FCHSD2: variants seen among roughly 807,000 people sequenced by gnomAD.
FCHSD2 encodes the protein F-BAR and double SH3 domains protein 2.
Under a neutral mutation model 108.1 loss-of-function variants are expected in FCHSD2, and 38 were observed. The observed-to-expected ratio is 0.35, with a 90% CI of 0.27 to 0.46. The LOEUF (loss-of-function observed/expected upper bound fraction) is 0.46. FCHSD2 is among the 20% of genes least tolerant of loss of function. The pLI, the probability that FCHSD2 is intolerant of heterozygous loss-of-function variation, is 1.00. For synonymous variants in FCHSD2, 279 were observed against 314.7 expected (o/e 0.89, Z 1.20); for missense variants, 751 against 897.8 (o/e 0.84, Z 2.09).
chr11:72,971,001 A>G (rs752982473), intron 8 of FCHSD2, among the ~76,000 whole-genome samples: 3 of 152,274 alleles, frequency 2.0e-5, no homozygotes, highest in Non-Finnish European at 2.9e-5. Flanking sequence ...CTCAGAATTC[A>G]ACCTTCACAT....
chr11:72,952,768 G>A (rs1856643235), intron 8 of FCHSD2, among the ~76,000 whole-genome samples: 1 of 152,216 alleles, frequency 6.6e-6, no homozygotes. Context: ...CTATGTGCCA[G>A]GCACTTACAC....
intron 8 of FCHSD2, among the ~76,000 whole-genome samples, chr11:72,927,615 C>T (rs2135320016): frequency 6.6e-6 from 1 of 152,318 alleles, no homozygotes; most frequent in South Asian, 2.1e-4. Context: ...GTCTCTGATT[C>T]AGCAGGCTGA....
intron 2 of FCHSD2, among the ~76,000 whole-genome samples, chr11:73,135,842 C>CT (rs1861108314): frequency 6.6e-6 from 1 of 152,122 alleles, no homozygotes; most frequent in African/African-American, 2.4e-5. Flanking sequence ...CTCCTCCCCT[C>CT]GAAATTCCAA....
chr11:72,977,737 C>T (rs1187869188), intron 8 of FCHSD2, among the ~76,000 whole-genome samples: 1 of 152,224 alleles, frequency 6.6e-6, no homozygotes, highest in African/African-American at 2.4e-5. Flanking sequence ...GGACTGTAAA[C>T]TAGTTCAACC....
intron 8 of FCHSD2, among the ~76,000 whole-genome samples, chr11:72,966,380 G>C (rs1032749220): frequency 3.9e-5 from 6 of 152,074 alleles, no homozygotes; most frequent in Admixed American, 1.3e-4. Flanking sequence ...GGCTGGTCTT[G>C]AACTCCTGAT....
chr11:72,984,190 A>G lies in FCHSD2; in HGVS notation c.603T>C (p.Asn201=). 6.2e-7 allele frequency: 1 copy of G among 1,613,918 alleles called. No homozygotes were observed. Among genetic ancestry groups the G allele is most frequent in the Non-Finnish European group, 8.5e-7 (1 of 1,179,800 alleles). ...VKLKARRSEC[N]SKATHARNDY... is the part of the protein sequence containing the mutation. The stretch of plus-strand genomic sequence containing the variant: ...CATTCCTTGCGTGGGTAGCTTTGGA[A>G]TTACACTCAGATCGCCGGGCTTTTA... Residue 201 remains asparagine (N), a synonymous_variant, in exon 8 of 20, where the codon AAT becomes AAC. Coordinates refer to ENST00000409418, the MANE Select transcript of FCHSD2 (RefSeq NM_014824.3).
chr11:72,916,234 G>A (rs899156826), intron 9 of FCHSD2, among the ~76,000 whole-genome samples: 1 of 150,350 alleles, frequency 6.7e-6, no homozygotes, highest in African/African-American at 2.5e-5. Context: ...GGAAAAAAAG[G>A]TTTATCAATT....
intron 2 of FCHSD2, among the ~76,000 whole-genome samples, chr11:73,108,551 GTTTTTT>G (rs35200645): frequency 6.6e-6 from 1 of 150,652 alleles, no homozygotes; most frequent in Non-Finnish European, 1.5e-5. Context: ...TTAGATTTAA[GTTTTTT>G]TTTTTGTTTG....
At chr11:72,935,723 C>A (rs1179869948) in intron 8 of FCHSD2, among the ~76,000 whole-genome samples, 1 of 152,152 alleles carries the variant, frequency 6.6e-6, no homozygotes, top group African/African-American at 2.4e-5. Context: ...AAAGTAAAAT[C>A]AGAAACATAT....
intron 4 of FCHSD2, among the ~76,000 whole-genome samples, chr11:73,005,813 A>C (rs1857727473): frequency 6.8e-6 from 1 of 147,612 alleles, no homozygotes; most frequent in Admixed American, 6.8e-5. Flanking sequence ...GCCTACATTC[A>C]CTCTTTAGAT....
chr11:73,069,008 T>A (rs1859368286), intron 3 of FCHSD2, among the ~76,000 whole-genome samples: 1 of 145,998 alleles, frequency 6.8e-6, no homozygotes, highest in Admixed American at 6.8e-5. Flanking sequence ...AGCAAAACCA[T>A]CTCCAAAAAA....
At chr11:72,983,703 T>A in intron 8 of FCHSD2, 2 of 327,768 alleles carry the variant, frequency 6.1e-6, no homozygotes, top group Non-Finnish European at 1.2e-5. Flanking sequence ...CTGAAGATTC[T>A]GCCTAGCTTC....
At chr11:73,069,899 A>G (rs1305891239) in intron 3 of FCHSD2, among the ~76,000 whole-genome samples, 1 of 152,186 alleles carries the variant, frequency 6.6e-6, no homozygotes, top group East Asian at 1.9e-4. Flanking sequence ...TTATCAGATT[A>G]TATATAAAAC....
chr11:72,988,865 T>C, intron 6 of FCHSD2, 99 bp downstream of exon 6: 1 of 955,810 alleles, frequency 1.0e-6, no homozygotes. Flanking sequence ...CACCACTACC[T>C]GAGAATGGGT....
chr11:73,058,740 G>T (rs553113296), intron 3 of FCHSD2, among the ~76,000 whole-genome samples: 1 of 151,422 alleles, frequency 6.6e-6, no homozygotes, highest in African/African-American at 2.4e-5. Flanking sequence ...GCTAATTTTT[G>T]AATTTTTAGT....
chr11:72,930,786 T>C (rs989810406), intron 8 of FCHSD2, among the ~76,000 whole-genome samples: 2 of 152,164 alleles, frequency 1.3e-5, no homozygotes, highest in Non-Finnish European at 2.9e-5. Context: ...ACTGACATGA[T>C]TTTTTAATTT....
At chr11:72,958,746 T>C (rs749003948) in intron 8 of FCHSD2, among the ~76,000 whole-genome samples, 1 of 152,146 alleles carries the variant, frequency 6.6e-6, no homozygotes, top group Non-Finnish European at 1.5e-5. Flanking sequence ...TTAAAAGTAA[T>C]CAGATTTAAG....
chr11:72,952,929 A>G (rs1216358938), intron 8 of FCHSD2, among the ~76,000 whole-genome samples: 1 of 152,184 alleles, frequency 6.6e-6, no homozygotes, highest in South Asian at 2.1e-4. Flanking sequence ...CCTCAAGGTC[A>G]GCAGTTCACC....
intron 9 of FCHSD2, among the ~76,000 whole-genome samples, chr11:72,910,773 T>C (rs1461974685): frequency 6.8e-6 from 1 of 147,336 alleles, no homozygotes; most frequent in African/African-American, 2.5e-5. Context: ...TATTATCCTA[T>C]GACCCTGCCA....
Sources: allele counts gnomAD v4.1 joint callset (sites outside exome capture counted in the v4.1 genomes callset), GRCh38; gene constraint gnomAD v4.1.1; transcripts MANE v1.5; gene names NCBI Gene and HGNC (gene_info 2026-07-23, HGNC 2026-07-21).